The following PEX5L variants were observed in gnomAD, a reference collection of about 807,000 sequenced individuals.
PEX5L encodes peroxisomal biogenesis factor 5 like.
In PEX5L, 30 loss-of-function variants were observed where a neutral mutation model predicts 84.0. The ratio of observed to expected loss-of-function variants is 0.36; its 90% CI spans 0.27 to 0.48. The LOEUF is 0.48. PEX5L is among the 20% of genes least tolerant of loss of function. The probability of loss-of-function intolerance (pLI) is 0.99; values close to 1 mark genes in which losing one functional copy is unlikely to be tolerated. For missense variants in PEX5L, 533 were observed against 754.6 expected (o/e 0.71, Z 3.44); for synonymous variants, 270 against 283.1 (o/e 0.95, Z 0.46).
intron 1 of PEX5L, among the ~76,000 whole-genome samples, chr3:179,980,620 T>A (rs1359467386): frequency 6.6e-6 from 1 of 152,216 alleles, no homozygotes; most frequent in East Asian, 1.9e-4. Context: ...ATATTCTTCA[T>A]GAATATCCTT....
At chr3:179,919,094 G>GT (rs1257579827) in intron 2 of PEX5L, among the ~76,000 whole-genome samples, 1 of 152,146 alleles carries the variant, frequency 6.6e-6, no homozygotes, top group African/African-American at 2.4e-5. Flanking sequence ...ATCCTGGATT[G>GT]TTTTTTGTGT....
intron 8 of PEX5L, among the ~76,000 whole-genome samples, chr3:179,842,282 G>A (rs1737599845): frequency 6.6e-6 from 1 of 152,198 alleles, no homozygotes; most frequent in Non-Finnish European, 1.5e-5. Context: ...TCTGTAACTA[G>A]GACGGGTAGC....
chr3:179,839,299 A>C (rs1736152677), intron 8 of PEX5L, among the ~76,000 whole-genome samples: 1 of 152,194 alleles, frequency 6.6e-6, no homozygotes, highest in African/African-American at 2.4e-5. Context: ...GTTTTCTTTA[A>C]ATACACTGTA....
intron 2 of PEX5L, among the ~76,000 whole-genome samples, chr3:179,955,608 A>T (rs1043432445): frequency 6.6e-6 from 1 of 151,784 alleles, no homozygotes; most frequent in African/African-American, 2.4e-5. Context: ...TGCTAAATAA[A>T]GTCTGGGAGC....
At chr3:179,836,688 A>G (rs1735076404) in intron 8 of PEX5L, among the ~76,000 whole-genome samples, 1 of 152,226 alleles carries the variant, frequency 6.6e-6, no homozygotes, top group Admixed American at 6.5e-5. Context: ...TGAATCACAA[A>G]TAAAAACCAA....
chr3:179,834,865 A>G (rs1734386434), intron 8 of PEX5L, among the ~76,000 whole-genome samples: 1 of 152,170 alleles, frequency 6.6e-6, no homozygotes, highest in Non-Finnish European at 1.5e-5. Context: ...CTTGCTTGGA[A>G]ATTGGGTCTT....
intron 2 of PEX5L, among the ~76,000 whole-genome samples, chr3:179,903,693 C>T (rs957662525): frequency 6.6e-6 from 1 of 152,274 alleles, no homozygotes; most frequent in Non-Finnish European, 1.5e-5. Context: ...AAGTTAGTGT[C>T]GTAAGTGTCA....
chr3:179,956,242 C>T lies in PEX5L; in HGVS notation c.93+15352G>A, dbSNP rs1780521259. On this transcript the variant is annotated intron_variant, in intron 2 of 14. Coordinates refer to ENST00000467460, the MANE Select transcript of PEX5L (RefSeq NM_016559.3). ...TTTAGCACCCTCACTTGTATTTCAG[C>T]TCTGCCTTATAGATCTTAATAACTT... 2.0e-5 allele frequency among the ~76,000 whole-genome samples: 3 copies of T among 152,150 alleles called. No homozygotes were observed. The South Asian group carries it at 6.2e-4, about 32-fold the overall frequency.
intron 8 of PEX5L, among the ~76,000 whole-genome samples, chr3:179,838,895 C>A (rs955622144): frequency 6.6e-6 from 1 of 152,070 alleles, no homozygotes; most frequent in Admixed American, 6.5e-5. Flanking sequence ...TCTGACATAG[C>A]TTGCTCTCCA....
At chr3:179,819,773 G>T in intron 9 of PEX5L, 87 bp downstream of exon 9, 3 of 1,118,590 alleles carry the variant, frequency 2.7e-6, no homozygotes, top group Non-Finnish European at 4.0e-6. Context: ...CTGTGTTTTT[G>T]ACAGAATAGC....
chr3:180,013,581 G>A (rs1367544910), intron 1 of PEX5L, among the ~76,000 whole-genome samples: 3 of 152,008 alleles, frequency 2.0e-5, no homozygotes, highest in Non-Finnish European at 4.4e-5. Context: ...ACTATGGCTT[G>A]GAACTACAAA....
At chr3:179,918,235 T>C (rs1767957396) in intron 2 of PEX5L, among the ~76,000 whole-genome samples, 1 of 152,218 alleles carries the variant, frequency 6.6e-6, no homozygotes, top group Non-Finnish European at 1.5e-5. Context: ...CTACTATCGC[T>C]AGGTTCTACT....
intron 1 of PEX5L, among the ~76,000 whole-genome samples, chr3:180,015,866 CATATA>C (rs1035446322): frequency 1.5e-5 from 2 of 134,316 alleles, no homozygotes; most frequent in South Asian, 2.3e-4. Flanking sequence ...TAATATATAA[CATATA>C]ATATATAATA....
At chr3:179,952,361 A>G (rs1779317235) in intron 2 of PEX5L, among the ~76,000 whole-genome samples, 1 of 152,100 alleles carries the variant, frequency 6.6e-6, no homozygotes, top group Non-Finnish European at 1.5e-5. Flanking sequence ...GAAAGGGTCT[A>G]CCGCCTTTGC....
chr3:180,001,267 A>G (rs927486547), intron 1 of PEX5L, among the ~76,000 whole-genome samples: 9 of 151,388 alleles, frequency 5.9e-5, no homozygotes, highest in Non-Finnish European at 7.4e-5. Flanking sequence ...CAGATGGCCA[A>G]TTGTGGGACC....
intron 8 of PEX5L, among the ~76,000 whole-genome samples, chr3:179,834,594 T>A (rs1422321633): frequency 6.6e-6 from 1 of 152,076 alleles, no homozygotes; most frequent in Non-Finnish European, 1.5e-5. Context: ...AGAGAGAAGG[T>A]TGGGCAGAGG....
At chr3:179,903,000 T>A (rs542163943) in intron 2 of PEX5L, among the ~76,000 whole-genome samples, 1 of 152,166 alleles carries the variant, frequency 6.6e-6, no homozygotes, top group African/African-American at 2.4e-5. Context: ...CAAAAATTGA[T>A]AAAAAACAGA....
At chr3:179,937,132 CCT>C (rs1355903763) in intron 2 of PEX5L, among the ~76,000 whole-genome samples, 1 of 152,054 alleles carries the variant, frequency 6.6e-6, no homozygotes, top group East Asian at 1.9e-4. Context: ...ATAATTAGAG[CCT>C]ACCCTTAAGG....
chr3:179,957,344 C>G (rs918725159), intron 2 of PEX5L, among the ~76,000 whole-genome samples: 3 of 152,080 alleles, frequency 2.0e-5, no homozygotes, highest in Non-Finnish European at 4.4e-5. Flanking sequence ...CTAGCATTAA[C>G]AGGTAAGGCT....
Sources: gnomAD v4.1 joint callset for allele counts (sites outside exome capture counted in the v4.1 genomes callset) on GRCh38, gnomAD v4.1.1 for gene constraint, MANE v1.5 for transcripts, NCBI Gene and HGNC (gene_info 2026-07-23, HGNC 2026-07-21) for gene names.